Variants in DENND2A observed in about 807,000 individuals in gnomAD.
The protein encoded by DENND2A is DENN domain-containing protein 2A.
Under a neutral mutation model 105.3 loss-of-function variants are expected in DENND2A, and 53 were observed. That is an observed-to-expected ratio of 0.50 (90% CI 0.40 to 0.63). The LOEUF (loss-of-function observed/expected upper bound fraction) is 0.63, where lower values mean the gene tolerates loss of function less well. Among genes scored for constraint, DENND2A ranks in the 30% least tolerant of loss-of-function variants. DENND2A has a pLI of 0.00. For missense variants in DENND2A, 1,138 were observed against 1,279.6 expected (o/e 0.89, Z 1.69); for synonymous variants, 522 against 508.4 (o/e 1.03, Z -0.36).
At position 140,569,528 on chromosome 7, in the gene DENND2A, C is replaced by T. The variant is rs572886726; in HGVS notation, c.1540+117G>A. On this transcript the variant is annotated intron_variant, in intron 7 of 19. Coordinates refer to ENST00000496613, the MANE Select transcript of DENND2A (RefSeq NM_015689.5). ...TCCCAAAGACAGTGCGGGACATTTACAAAGCATCAGCTTGTTCTCCTCCTT... is the reference window on the plus strand; with the variant it reads ...TCCCAAAGACAGTGCGGGACATTTATAAAGCATCAGCTTGTTCTCCTCCTT... The T allele has an allele frequency of 1.9e-5, 15 of 769,326 alleles. No homozygotes were observed. In the Admixed American group the frequency reaches 2.6e-4, roughly 13 times the overall value. The allele number at this position is 769,326 out of a possible 1,614,324, so 47.7% of individuals were successfully genotyped here. A position where few individuals can be genotyped will look rare whatever the true frequency, so the allele number is the denominator to read the frequency against.
intron 6 of DENND2A, among the ~76,000 whole-genome samples, 186 bp downstream of exon 6, chr7:140,573,622 C>T (rs1359998598): frequency 6.6e-6 from 1 of 152,098 alleles, no homozygotes; most frequent in Non-Finnish European, 1.5e-5. Flanking sequence ...ACCACAGGAC[C>T]ACAAAAATGA....
intron 16 of DENND2A, 36 bp downstream of exon 16, chr7:140,525,715 C>A: frequency 1.9e-6 from 3 of 1,582,800 alleles, no homozygotes; most frequent in Admixed American, 1.8e-5. Flanking sequence ...TAGGTAAAGA[C>A]AAAGGGAGCA....
chr7:140,587,721 C>G lies in DENND2A; in HGVS notation c.1055G>C (p.Trp352Ser), dbSNP rs1309717757. Residue 352 changes from tryptophan (W) to serine (S), a missense_variant, in exon 4 of 20, where the codon TGG (tryptophan) becomes TCG (serine). Transcript: ENST00000496613. ...CAGCCCCAGCTTAGTCTGCGCGTACCAGTCCACCCTGCTGCTCTCAGAGGA... is the reference window on the plus strand; with the variant it reads ...CAGCCCCAGCTTAGTCTGCGCGTACGAGTCCACCCTGCTGCTCTCAGAGGA... ...QSSSESSRVDWYAQTKLGLTR... is the reference protein window; with the variant it reads ...QSSSESSRVDSYAQTKLGLTR... 17 of 1,612,990 alleles carry G rather than the reference C, an allele frequency of 1.1e-5. No individual in the cohort carries two copies. Among genetic ancestry groups the G allele is most frequent in the East Asian group, 2.2e-5 (1 of 44,832 alleles).
intron 16 of DENND2A, among the ~76,000 whole-genome samples, chr7:140,524,635 G>T (rs1319875365): frequency 6.6e-6 from 1 of 151,964 alleles, no homozygotes; most frequent in Non-Finnish European, 1.5e-5. Context: ...GAGTACAGTG[G>T]CACGATCTCA....
chr7:140,533,969 A>G (rs963828836), intron 14 of DENND2A, among the ~76,000 whole-genome samples: 36 of 151,972 alleles, frequency 2.4e-4, no homozygotes, highest in Non-Finnish European at 5.0e-4. Flanking sequence ...ACTGGAGTGC[A>G]GTGGCACGAT....
At chr7:140,562,579 G>A (rs1018651027) in intron 9 of DENND2A, among the ~76,000 whole-genome samples, 3 of 152,090 alleles carry the variant, frequency 2.0e-5, no homozygotes, top group African/African-American at 7.2e-5. Flanking sequence ...GAAGAATGGC[G>A]TGAATCCGGG....
In DENND2A at chr7:140,579,029, C is replaced by T. The variant is rs548410543; in HGVS notation, c.1246-5021G>A. ...GGTGGCTCATGGCCTGGAGCGGTGG[C>T]TCATGCCTGTAATTCCAGCACTTTG... On this transcript the variant is annotated intron_variant, in intron 5 of 19. Coordinates refer to ENST00000496613, the MANE Select transcript of DENND2A (RefSeq NM_015689.5). Among the ~76,000 whole-genome samples the T allele has an allele frequency of 3.5e-3, 538 of 152,270 alleles. 3 individuals are homozygous for T. The highest frequency in any genetic ancestry group is 5.1e-3 in the Non-Finnish European group (346 of 68,022).
At chr7:140,607,927 A>C (rs767404961) in intron 1 of DENND2A, among the ~76,000 whole-genome samples, 1 of 152,210 alleles carries the variant, frequency 6.6e-6, no homozygotes, top group Non-Finnish European at 1.5e-5. Flanking sequence ...AAGATGAGTA[A>C]GAGTCTCTGC....
At chr7:140,606,040 T>C (rs1475305625) in intron 1 of DENND2A, among the ~76,000 whole-genome samples, 2 of 152,136 alleles carry the variant, frequency 1.3e-5, no homozygotes, top group African/African-American at 4.8e-5. Flanking sequence ...TATATCTTTT[T>C]TGTTCATTTG....
intron 1 of DENND2A, among the ~76,000 whole-genome samples, chr7:140,636,614 G>C (rs530402279): frequency 2.0e-5 from 3 of 151,178 alleles, no homozygotes; most frequent in Admixed American, 2.0e-4. Context: ...ATCATCTGGG[G>C]ATCTCAAAAA....
intron 14 of DENND2A, among the ~76,000 whole-genome samples, chr7:140,535,961 T>C (rs1796441896): frequency 6.6e-6 from 1 of 152,132 alleles, no homozygotes; most frequent in Non-Finnish European, 1.5e-5. Context: ...GGAGCTTTTG[T>C]TGAGGCCATC....
chr7:140,589,217 G>A (rs1428078675), intron 3 of DENND2A, among the ~76,000 whole-genome samples: 1 of 152,214 alleles, frequency 6.6e-6, no homozygotes, highest in African/African-American at 2.4e-5. Flanking sequence ...AGTGAGGCAT[G>A]TCAGGAGGGA....
At chr7:140,549,203 G>A (rs1351000657) in intron 12 of DENND2A, among the ~76,000 whole-genome samples, 1 of 151,436 alleles carries the variant, frequency 6.6e-6, no homozygotes, top group South Asian at 2.1e-4. Flanking sequence ...TCCAGCCTGG[G>A]TGACAAGAGC....
At chr7:140,610,641 A>G (rs1799861715) in intron 1 of DENND2A, among the ~76,000 whole-genome samples, 1 of 152,226 alleles carries the variant, frequency 6.6e-6, no homozygotes, top group Non-Finnish European at 1.5e-5. Context: ...CATTAATTAC[A>G]CAACAAATAG....
chr7:140,615,286 C>A (rs1376095783), intron 1 of DENND2A, among the ~76,000 whole-genome samples: 1 of 152,170 alleles, frequency 6.6e-6, no homozygotes, highest in African/African-American at 2.4e-5. Context: ...TGGAAGAAGA[C>A]AGAGGAATCT....
chr7:140,580,375 T>A (rs1798493335), intron 5 of DENND2A, among the ~76,000 whole-genome samples: 1 of 152,152 alleles, frequency 6.6e-6, no homozygotes, highest in Non-Finnish European at 1.5e-5. Flanking sequence ...TCTGGAGAGC[T>A]GTGGCACAAA....
Position 140,591,854 on chromosome 7 carries a change from T to TCCTTC in DENND2A, c.996-4079_996-4075dup, listed in dbSNP as rs1186088456. Among the ~76,000 whole-genome samples the TCCTTC allele has an allele frequency of 1.7e-4, 21 of 123,476 alleles. No homozygotes were observed. The East Asian group carries it at 5.4e-3, about 32-fold the overall frequency. 81.0% of individuals were successfully genotyped at this position (123,476 alleles called of 152,430 possible). A position where few individuals can be genotyped will look rare whatever the true frequency, so the allele number is the denominator to read the frequency against. On this transcript the variant is annotated intron_variant, in intron 3 of 19. Transcript: ENST00000496613. ...CCCTCCCTCCCCTTCCTTCTTTCCT[T>TCCTTC]CCTTCCCTTCCCTTTCCTTCCTTCC...
At chr7:140,590,283 G>A (rs185618576) in intron 3 of DENND2A, among the ~76,000 whole-genome samples, 121 of 152,180 alleles carry the variant, frequency 8.0e-4, no homozygotes, top group Non-Finnish European at 1.6e-3. Context: ...TCAGCTACTC[G>A]GGAGGCTGAG....
intron 18 of DENND2A, among the ~76,000 whole-genome samples, chr7:140,520,041 C>T (rs1488869568): frequency 2.6e-5 from 4 of 152,238 alleles, no homozygotes; most frequent in Admixed American, 6.6e-5. Context: ...TGGTGGTTCA[C>T]GCCTGTAATC....
Sources: allele counts gnomAD v4.1 joint callset (sites outside exome capture counted in the v4.1 genomes callset), GRCh38; gene constraint gnomAD v4.1.1; transcripts MANE v1.5; gene names NCBI Gene and HGNC (gene_info 2026-07-23, HGNC 2026-07-21).